Variants in SPAG9 observed in about 807,000 individuals in gnomAD.
The protein encoded by SPAG9 is C-Jun-amino-terminal kinase-interacting protein 4.
A neutral mutation model predicts 166.5 loss-of-function variants in SPAG9; 35 were observed. The observed-to-expected ratio is 0.21, with a 90% CI of 0.16 to 0.28. The LOEUF (loss-of-function observed/expected upper bound fraction) is 0.28, where lower values mean the gene tolerates loss of function less well. Ranked by LOEUF, SPAG9 falls within the 10% of genes least tolerant of loss-of-function variation. The probability of loss-of-function intolerance (pLI) is 1.00; values close to 1 mark genes in which losing one functional copy is unlikely to be tolerated. For synonymous variants in SPAG9, 534 were observed against 565.5 expected, an observed-to-expected ratio of 0.94 and a Z score of 0.79; for missense variants, 1,235 against 1,603.3, an observed-to-expected ratio of 0.77 and a Z score of 3.92.
In SPAG9 at chr17:51,120,278, C is replaced by T; in HGVS notation, c.303+76G>A. 3 of 1,259,484 alleles carry T rather than the reference C, an allele frequency of 2.4e-6. 1 individual carries two copies. In the South Asian group the frequency reaches 4.8e-5, roughly 20 times the overall value. The allele number at this position is 1,259,484 out of a possible 1,614,324, so 78.0% of individuals were successfully genotyped here. Reference sequence around the variant, plus strand: ...CAGGAGGCCCGTCGCGCCTCTAGTCCCCGACCGGGCCGCGACCCCGCCCCG... The same window carrying T: ...CAGGAGGCCCGTCGCGCCTCTAGTCTCCGACCGGGCCGCGACCCCGCCCCG... On this transcript the variant is annotated intron_variant, in intron 1 of 29. Transcript: ENST00000262013. The surrounding 1 kb of genome is among the most constrained non-coding windows in gnomAD (Gnocchi z 4.7).
chr17:51,099,205 G>A (rs998399969), intron 1 of SPAG9, among the ~76,000 whole-genome samples: 4 of 151,500 alleles, frequency 2.6e-5, no homozygotes, highest in Non-Finnish European at 2.9e-5. Flanking sequence ...AGACCGAGGT[G>A]GGCAGATCAC....
At position 51,047,359 on chromosome 17, in the gene SPAG9, A is replaced by G. The variant is rs2047054408; in HGVS notation, c.590+16T>C. On this transcript the variant is annotated intron_variant, in intron 4 of 29. Coordinates refer to ENST00000262013, the MANE Select transcript of SPAG9 (RefSeq NM_001130528.3). Reference sequence around the variant, plus strand: ...ATTTTACTTTTTCTCAAGGCAAAATATATAACAAAGCTTACCTAATTCTAC... The same window carrying G: ...ATTTTACTTTTTCTCAAGGCAAAATGTATAACAAAGCTTACCTAATTCTAC... 7.2e-7 allele frequency: 1 copy of G among 1,395,066 alleles called. No homozygotes were observed. The highest frequency in any genetic ancestry group is 1.5e-5 in the African/African-American group (1 of 68,638). 86.4% of individuals were successfully genotyped at this position (1,395,066 alleles called of 1,614,324 possible).
At chr17:51,064,184 C>T (rs2047598259) in intron 2 of SPAG9, among the ~76,000 whole-genome samples, 1 of 152,152 alleles carries the variant, frequency 6.6e-6, no homozygotes, top group Non-Finnish European at 1.5e-5. Context: ...TAGTTATATT[C>T]AGATGTGTCA....
intron 7 of SPAG9, among the ~76,000 whole-genome samples, chr17:51,020,602 C>T (rs562356383): frequency 3.9e-5 from 6 of 152,292 alleles, no homozygotes; most frequent in African/African-American, 1.4e-4. Flanking sequence ...ACTGTCCTCC[C>T]GTCTTTTGGG....
chr17:51,024,046 G>A (rs1306490030), intron 6 of SPAG9, among the ~76,000 whole-genome samples: 3 of 152,080 alleles, frequency 2.0e-5, no homozygotes, highest in Non-Finnish European at 2.9e-5. Context: ...CTGAAATCCC[G>A]ACATTTTGGG....
intron 1 of SPAG9, among the ~76,000 whole-genome samples, chr17:51,098,945 C>T (rs2048721643): frequency 6.6e-6 from 1 of 151,696 alleles, no homozygotes; most frequent in Non-Finnish European, 1.5e-5. Context: ...ACTAAAAATA[C>T]AAAAATTAGC....
Position 51,120,792 on chromosome 17 carries a change from CG to C in SPAG9, c.-137del. 1.6e-6 allele frequency: 1 copy of C among 628,604 alleles called. No individual in the cohort carries two copies. Among genetic ancestry groups the C allele is most frequent in the Non-Finnish European group, 2.4e-6 (1 of 416,510 alleles). 38.9% of individuals were successfully genotyped at this position (628,604 alleles called of 1,614,324 possible). ...GGGCCGGGGCTGGGGCTGGGCCCGG[CG>C]GGGTGGGGGCCGGGGCCGGAGGAGG... On this transcript the variant is annotated 5_prime_UTR_variant, in exon 1 of 30. Coordinates refer to ENST00000262013, the MANE Select transcript of SPAG9 (RefSeq NM_001130528.3). The surrounding 1 kb of genome is among the most constrained non-coding windows in gnomAD (Gnocchi z 4.7).
intron 2 of SPAG9, among the ~76,000 whole-genome samples, chr17:51,072,715 T>G (rs565359308): frequency 2.0e-4 from 30 of 152,028 alleles, no homozygotes; most frequent in African/African-American, 6.7e-4. Context: ...CACATTAAGA[T>G]TAGATAGCCC....
rs115741038 is a variant in SPAG9 at position 51,041,401 on chromosome 17, A to G, written c.741+100T>C. The G allele has an allele frequency of 1.8e-3, 1,954 of 1,104,982 alleles. 33 individuals carry two copies. The African/African-American group carries it at 0.027, about 15-fold the overall frequency. The allele number at this position is 1,104,982 out of a possible 1,614,324, so 68.4% of individuals were successfully genotyped here. A position where few individuals can be genotyped will look rare whatever the true frequency, so the allele number is the denominator to read the frequency against. ...AATTTTACAAACTAAATGTATACAAACAATTACATTTTACTATACTGTGGT... is the reference window on the plus strand; with the variant it reads ...AATTTTACAAACTAAATGTATACAAGCAATTACATTTTACTATACTGTGGT... On this transcript the variant is annotated intron_variant, in intron 5 of 29. Coordinates refer to ENST00000262013, the MANE Select transcript of SPAG9 (RefSeq NM_001130528.3).
intron 2 of SPAG9, among the ~76,000 whole-genome samples, chr17:51,074,735 T>C (rs1446312418): frequency 6.6e-6 from 1 of 152,100 alleles, no homozygotes; most frequent in African/African-American, 2.4e-5. Flanking sequence ...TGAATTAAAA[T>C]GGAAAACATA....
chr17:51,081,414 A>C (rs995804042), intron 1 of SPAG9, among the ~76,000 whole-genome samples: 6 of 150,722 alleles, frequency 4.0e-5, no homozygotes, highest in African/African-American at 1.2e-4. Flanking sequence ...TCACGCCACT[A>C]AACTCCAGCC....
chr17:51,066,439 C>T (rs191440729), intron 2 of SPAG9, among the ~76,000 whole-genome samples: 3 of 151,498 alleles, frequency 2.0e-5, no homozygotes, highest in East Asian at 1.9e-4. Flanking sequence ...TAGTTTACTT[C>T]GGCTACTTGG....
chr17:51,079,348 C>T (rs1313041596), intron 2 of SPAG9, among the ~76,000 whole-genome samples: 1 of 151,978 alleles, frequency 6.6e-6, no homozygotes, highest in Non-Finnish European at 1.5e-5. Flanking sequence ...AAATGGTTCT[C>T]GTGCCTCAGC....
intron 19 of SPAG9, among the ~76,000 whole-genome samples, chr17:50,991,922 T>TA (rs1975585681): frequency 2.6e-5 from 3 of 116,794 alleles, no homozygotes; most frequent in Non-Finnish European, 5.3e-5. Flanking sequence ...CCATGCCAGG[T>TA]CTTTTTTTTT....
At position 51,093,742 on chromosome 17, in the gene SPAG9, G is replaced by T. The variant is rs1479468900; in HGVS notation, c.304-14038C>A. On this transcript the variant is annotated intron_variant, in intron 1 of 29. Transcript: ENST00000262013. ...AAAATTATAACAGATCCATACTATG[G>T]AAAGTATGTAATAGAAAACTGGTGT... Among the ~76,000 whole-genome samples, 9 of 151,310 alleles carry T rather than the reference G, an allele frequency of 5.9e-5. No individual in the cohort carries two copies. The East Asian group carries it at 1.7e-3, about 29-fold the overall frequency.
At chr17:51,008,338 A>C (rs1317557146) in intron 9 of SPAG9, among the ~76,000 whole-genome samples, 1 of 152,120 alleles carries the variant, frequency 6.6e-6, no homozygotes, top group Non-Finnish European at 1.5e-5. Context: ...ATGAAATAAC[A>C]CACTAGGGAA....
chr17:51,046,782 C>T (rs768361833), intron 4 of SPAG9: 1 of 1,534,612 alleles, frequency 6.5e-7, no homozygotes, highest in South Asian at 1.2e-5. Flanking sequence ...CCATCAGCAG[C>T]AGCTTTCCAC....
At chr17:51,017,239 G>C (rs1444714947) in intron 8 of SPAG9, among the ~76,000 whole-genome samples, 1 of 152,168 alleles carries the variant, frequency 6.6e-6, no homozygotes, top group East Asian at 1.9e-4. Flanking sequence ...CAGGAGCATA[G>C]CTAATTCATT....
intron 19 of SPAG9, among the ~76,000 whole-genome samples, chr17:50,991,214 T>TA (rs1975520307): frequency 6.6e-6 from 1 of 152,116 alleles, no homozygotes; most frequent in South Asian, 2.1e-4. Flanking sequence ...CTTCTGTTCT[T>TA]AGTGAGCTCC....
Sources: gnomAD v4.1 joint callset for allele counts (sites outside exome capture counted in the v4.1 genomes callset) on GRCh38, gnomAD v4.1.1 for gene constraint, Gnocchi (gnomAD v3.1) non-coding constraint, MANE v1.5 for transcripts, NCBI Gene and HGNC (gene_info 2026-07-23, HGNC 2026-07-21) for gene names.